NRG3: variants seen among roughly 807,000 people sequenced by gnomAD.
NRG3 encodes the protein pro-neuregulin-3, membrane-bound isoform.
In NRG3, 31 loss-of-function variants were observed where a neutral mutation model predicts 66.9. The ratio of observed to expected loss-of-function variants is 0.46; its 90% CI spans 0.35 to 0.63. NRG3 has a LOEUF of 0.63. Among genes scored for constraint, NRG3 ranks in the 20% least tolerant of loss-of-function variants. The pLI is 0.00. For missense variants in NRG3, 910 were observed against 878.9 expected (o/e 1.04, Z -0.45); for synonymous variants, 393 against 359.4 (o/e 1.09, Z -1.06).
At chr10:82,478,109 T>C (rs866119155) in intron 2 of NRG3, among the ~76,000 whole-genome samples, 72 of 152,302 alleles carry the variant, frequency 4.7e-4, no homozygotes, top group African/African-American at 1.7e-3. Context: ...TTTACTACCA[T>C]GGATACTAAG....
At chr10:82,397,452 A>G (rs2086786175) in intron 2 of NRG3, among the ~76,000 whole-genome samples, 1 of 152,250 alleles carries the variant, frequency 6.6e-6, no homozygotes, top group African/African-American at 2.4e-5. Flanking sequence ...GGTTTGTCTA[A>G]GCAAGAAATA....
intron 1 of NRG3, among the ~76,000 whole-genome samples, chr10:81,983,573 G>C (rs1222395809): frequency 6.6e-6 from 1 of 152,060 alleles, no homozygotes; most frequent in African/African-American, 2.4e-5. Flanking sequence ...ATAATTTCTT[G>C]TATGACAAAG....
At chr10:82,150,529 AC>A (rs1396798265) in intron 1 of NRG3, among the ~76,000 whole-genome samples, 1,790 of 61,886 alleles carry the variant, frequency 0.029, 49 homozygotes, top group African/African-American at 0.074. Context: ...AAGAGCACAC[AC>A]AAAAAAAAAA....
At chr10:82,865,522 A>G (rs371756880) in intron 4 of NRG3, 85 bp downstream of exon 4, 44 of 1,355,972 alleles carry the variant, frequency 3.2e-5, no homozygotes, top group Non-Finnish European at 3.6e-5. Context: ...CCATCTGGTT[A>G]TAATTGAAAT....
At chr10:82,668,702 T>G (rs2053000505) in intron 2 of NRG3, among the ~76,000 whole-genome samples, 1 of 152,200 alleles carries the variant, frequency 6.6e-6, no homozygotes. Context: ...CAGCAGCTGT[T>G]GCGTCCACTG....
At chr10:82,475,686 T>G (rs1841709000) in intron 2 of NRG3, among the ~76,000 whole-genome samples, 1 of 152,126 alleles carries the variant, frequency 6.6e-6, no homozygotes, top group Admixed American at 6.5e-5. Flanking sequence ...TATAAAACAA[T>G]TAACTGAAAG....
At chr10:82,771,861 C>T (rs976716113) in intron 3 of NRG3, among the ~76,000 whole-genome samples, 2 of 152,066 alleles carry the variant, frequency 1.3e-5, no homozygotes, top group African/African-American at 4.8e-5. Flanking sequence ...TCAACATTCA[C>T]TCTGTTGTCT....
chr10:82,277,103 T>C (rs2078891661), intron 1 of NRG3, among the ~76,000 whole-genome samples: 1 of 152,208 alleles, frequency 6.6e-6, no homozygotes, highest in Middle Eastern at 3.4e-3. Context: ...TTCTTTCATG[T>C]CAGGCTGCTT....
intron 3 of NRG3, among the ~76,000 whole-genome samples, chr10:82,789,945 A>G (rs779674523): frequency 6.6e-6 from 1 of 152,226 alleles, no homozygotes; most frequent in South Asian, 2.1e-4. Context: ...AAAACAATCT[A>G]GGATTGATAA....
chr10:82,047,446 C>T (rs2133085846), intron 1 of NRG3, among the ~76,000 whole-genome samples: 1 of 152,200 alleles, frequency 6.6e-6, no homozygotes, highest in Admixed American at 6.6e-5. Flanking sequence ...GGACAATATT[C>T]AACATTCTTA....
chr10:82,091,546 T>C (rs2133519686), intron 1 of NRG3, among the ~76,000 whole-genome samples: 1 of 152,320 alleles, frequency 6.6e-6, no homozygotes, highest in Non-Finnish European at 1.5e-5. Flanking sequence ...ATACCACACT[T>C]TATCTGTTCA....
chr10:82,745,971 A>T (rs1478690284), intron 3 of NRG3, among the ~76,000 whole-genome samples: 1 of 152,116 alleles, frequency 6.6e-6, no homozygotes, highest in African/African-American at 2.4e-5. Flanking sequence ...GGCTCACTGC[A>T]GCCTCAACTT....
At chr10:82,296,897 C>A (rs1009636869) in intron 1 of NRG3, among the ~76,000 whole-genome samples, 6 of 151,918 alleles carry the variant, frequency 3.9e-5, no homozygotes, top group Non-Finnish European at 8.8e-5. Context: ...AACGTAGTAC[C>A]CAGTAGGTAG....
intron 2 of NRG3, among the ~76,000 whole-genome samples, chr10:82,377,506 C>T (rs1564854490): frequency 1.3e-5 from 2 of 152,008 alleles, no homozygotes; most frequent in East Asian, 1.9e-4. Context: ...CAAGGGATAA[C>T]GTAACATAAT....
Position 82,425,827 on chromosome 10 carries a change from C to A in NRG3, c.953+66959C>A, listed in dbSNP as rs190900161. Among the ~76,000 whole-genome samples, 315 of 152,220 alleles carry A rather than the reference C, an allele frequency of 2.1e-3. 1 individual carries two copies. The highest frequency in any genetic ancestry group is 5.0e-4 in the Non-Finnish European group (34 of 68,016). On this transcript the variant is annotated intron_variant, in intron 2 of 8. Transcript: ENST00000372141. ...TGTTGTCTTTGGGTTCTCCTAGAGA[C>A]TCCTTCTTAAATAGTTCATTAGCCT...
chr10:82,893,089 A>G (rs550512122), intron 4 of NRG3, among the ~76,000 whole-genome samples: 1 of 152,202 alleles, frequency 6.6e-6, no homozygotes, highest in Non-Finnish European at 1.5e-5. Flanking sequence ...AAGATTATGT[A>G]TGATATGAAG....
rs369752101 is a variant in NRG3, at chr10:82,454,135, G to A, written c.953+95267G>A. 2.6e-5 allele frequency among the ~76,000 whole-genome samples: 4 copies of A among 152,018 alleles called. No individual in the cohort carries two copies. The South Asian group carries it at 6.2e-4, about 24-fold the overall frequency. ...CCAGATCAATTGCCAGATGGAAGTG[G>A]GTATTTTGTTCTTTAGTCATCTATA... On this transcript the variant is annotated intron_variant, in intron 2 of 8. Coordinates refer to ENST00000372141, the MANE Select transcript of NRG3 (RefSeq NM_001010848.4).
chr10:82,568,217 C>A (rs955313761), intron 2 of NRG3, among the ~76,000 whole-genome samples: 7 of 151,728 alleles, frequency 4.6e-5, no homozygotes, highest in Admixed American at 2.6e-4. Flanking sequence ...GAGGCAAAGT[C>A]ATGAAGGAGG....
chr10:82,888,789 G>A (rs990164463), intron 4 of NRG3, among the ~76,000 whole-genome samples: 7 of 152,026 alleles, frequency 4.6e-5, no homozygotes, highest in African/African-American at 1.7e-4. Flanking sequence ...AGGCTGGACA[G>A]TGTCAGGACA....
Sources: allele counts gnomAD v4.1 joint callset (sites outside exome capture counted in the v4.1 genomes callset), GRCh38; gene constraint gnomAD v4.1.1; transcripts MANE v1.5; gene names NCBI Gene and HGNC (gene_info 2026-07-23, HGNC 2026-07-21).